ATR: variants seen among roughly 807,000 people sequenced by gnomAD.
ATR encodes the protein serine/threonine-protein kinase ATR.
A neutral mutation model predicts 305.3 loss-of-function variants in ATR; 142 were observed. The observed-to-expected ratio is 0.47, with a 90% CI of 0.41 to 0.53. ATR has a LOEUF of 0.53. Among genes scored for constraint, ATR ranks in the 20% least tolerant of loss-of-function variants. The pLI is 0.00. For missense variants in ATR, 2,135 were observed against 3,133.1 expected, an observed-to-expected ratio of 0.68 and a Z score of 7.60; for synonymous variants, 1,050 against 1,068.1, an observed-to-expected ratio of 0.98 and a Z score of 0.33.
At chr3:142,482,964 C>T (rs1482041679) in intron 36 of ATR, among the ~76,000 whole-genome samples, 3 of 150,300 alleles carry the variant, frequency 2.0e-5, no homozygotes, top group Non-Finnish European at 4.4e-5. Flanking sequence ...TCAGGAGATC[C>T]TGAGAACATA....
rs1417032978 is a variant in ATR, at chr3:142,495,077, G to T, written c.5898+1284C>A. On this transcript the variant is annotated intron_variant, in intron 34 of 46. Transcript: ENST00000350721. ...AATTTAAGATGATGTCCAGATTTCT[G>T]TTTTTGATGGAAGGATGGAATAAAG... is the stretch of plus-strand genomic sequence containing the variant. Among the ~76,000 whole-genome samples the T allele has an allele frequency of 2.0e-5, 3 of 152,176 alleles. 1 individual carries two copies. Among genetic ancestry groups the T allele is most frequent in the Admixed American group, 2.0e-4 (3 of 15,262 alleles).
Position 142,577,258 on chromosome 3 carries a change from T to C in ATR, c.59+1388A>G, listed in dbSNP as rs573019703. Among the ~76,000 whole-genome samples the C allele has an allele frequency of 2.0e-5, 3 of 152,310 alleles. No homozygotes were observed. The South Asian group carries it at 6.2e-4, about 32-fold the overall frequency. ...CTCTACTGATGAAACCGACTATATA[T>C]AATCCAAGAACCAATTATTTTTATT... On this transcript the variant is annotated intron_variant, in intron 1 of 46. Coordinates refer to ENST00000350721, the MANE Select transcript of ATR (RefSeq NM_001184.4).
At chr3:142,571,082 T>A (rs562759414) in intron 1 of ATR, among the ~76,000 whole-genome samples, 1 of 152,218 alleles carries the variant, frequency 6.6e-6, no homozygotes, top group South Asian at 2.1e-4. Flanking sequence ...CAGACGCAAA[T>A]AATTTAATAA....
intron 16 of ATR, 129 bp from the exon 17 acceptor site, chr3:142,542,886 G>C (rs531673141): frequency 1.2e-4 from 93 of 751,758 alleles, no homozygotes; most frequent in African/African-American, 1.1e-3. Flanking sequence ...ATAAACACTT[G>C]GTTAATTAAG....
intron 46 of ATR, chr3:142,450,230 C>T: frequency 3.3e-6 from 2 of 609,310 alleles, no homozygotes; most frequent in South Asian, 3.3e-5. Flanking sequence ...TCCAGCAGAA[C>T]TCCAGGTATT....
chr3:142,475,875 C>T (rs1378918775), intron 36 of ATR, among the ~76,000 whole-genome samples: 1 of 152,108 alleles, frequency 6.6e-6, no homozygotes, highest in Non-Finnish European at 1.5e-5. Context: ...TTTCATGTGT[C>T]TGTTGGCTGC....
At chr3:142,463,560 C>G (rs75080015) in intron 41 of ATR, among the ~76,000 whole-genome samples, 13,419 of 152,118 alleles carry the variant, frequency 0.088, 2,005 homozygotes, top group African/African-American at 0.31. Context: ...CCATGCCTGG[C>G]TAATTTTTGT....
chr3:142,565,771 A>G (rs2035050291), intron 3 of ATR, among the ~76,000 whole-genome samples: 1 of 151,002 alleles, frequency 6.6e-6, no homozygotes, highest in African/African-American at 2.4e-5. Context: ...AAACAAAACA[A>G]AACACCAAAA....
At position 142,519,619 on chromosome 3, in the gene ATR, T is replaced by C. The variant is rs1438474494; in HGVS notation, c.4382+50A>G. ...CCGGCCAAAAAAATCGCATTATTTT[T>C]ATATAATTAAAAACAATTTTATGAA... On this transcript the variant is annotated intron_variant, in intron 24 of 46. Transcript: ENST00000350721. 2.7e-6 allele frequency: 4 copies of C among 1,487,676 alleles called. No individual in the cohort carries two copies. In the South Asian group the frequency reaches 4.7e-5, roughly 17 times the overall value. The allele number at this position is 1,487,676 out of a possible 1,614,324, so 92.2% of individuals were successfully genotyped here.
At chr3:142,450,633 C>G in intron 46 of ATR, 1 of 1,607,124 alleles carries the variant, frequency 6.2e-7, no homozygotes, top group Non-Finnish European at 8.5e-7. Context: ...GAAGAGTATA[C>G]AAGGTCAGGA....
intron 28 of ATR, among the ~76,000 whole-genome samples, chr3:142,506,732 T>C (rs577206663): frequency 1.3e-5 from 2 of 152,198 alleles, no homozygotes; most frequent in African/African-American, 4.8e-5. Flanking sequence ...AAAAAGAATA[T>C]GGTGCAGATG....
At position 142,451,756 on chromosome 3, in the gene ATR, A is replaced by C. The variant is rs1341583413; in HGVS notation, c.7761+1372T>G. On this transcript the variant is annotated intron_variant, in intron 46 of 46. Coordinates refer to ENST00000350721, the MANE Select transcript of ATR (RefSeq NM_001184.4). ...CACTGAGCCCAGCTAATTAAAAAAA[A>C]ACAAAAACTATTTGTAGAGACCAGG... 3 of 1,092,652 alleles carry C rather than the reference A, an allele frequency of 2.7e-6. No individual in the cohort carries two copies. In the Admixed American group the frequency reaches 1.1e-4, roughly 39 times the overall value. 67.7% of individuals were successfully genotyped at this position (1,092,652 alleles called of 1,614,324 possible).
chr3:142,560,481 T>G (rs1304265100), intron 5 of ATR, 27 bp from the exon 6 acceptor site: 3 of 1,555,814 alleles, frequency 1.9e-6, no homozygotes, highest in Middle Eastern at 1.7e-4. Context: ...AGTAGAGAGA[T>G]ATTCATATGC....
chr3:142,546,779 A>G (rs1258913353), intron 16 of ATR, among the ~76,000 whole-genome samples: 6 of 152,234 alleles, frequency 3.9e-5, no homozygotes, highest in Admixed American at 1.3e-4. Flanking sequence ...GAAAGGTTGA[A>G]TAAGATAGGA....
intron 35 of ATR, among the ~76,000 whole-genome samples, chr3:142,487,583 A>T (rs2031022319): frequency 6.6e-6 from 1 of 152,228 alleles, no homozygotes; most frequent in Non-Finnish European, 1.5e-5. Context: ...TCTATAACTG[A>T]TTGCCATTTG....
Position 142,563,051 on chromosome 3 carries a change from A to C in ATR, c.351T>G (p.His117Gln). 6.2e-7 allele frequency: 1 copy of C among 1,600,494 alleles called. No homozygotes were observed. The change falls in exon 4 of 47, where the codon CAT becomes CAG. Residue 117 changes from histidine to glutamine, a missense_variant. His to Gln is a conservative substitution (Grantham distance 24). This residue lies in a region of ATR where 744 missense variants were observed against 873.2 expected (regional missense o/e 0.85). Transcript: ENST00000350721. The part of the protein sequence containing the change: ...LLRIAATPSC[H>Q]LLHKKICEVI... ...CTTCACAGATTTTCTTGTGTAACAA[A>C]TGACAGGAGGGAGTTGCTGCAATCC... is the stretch of plus-strand genomic sequence containing the variant.
chr3:142,497,777 T>C (rs2031732052), intron 32 of ATR, among the ~76,000 whole-genome samples: 1 of 152,104 alleles, frequency 6.6e-6, no homozygotes, highest in African/African-American at 2.4e-5. Flanking sequence ...ACATGAGGTA[T>C]TTGCATATAT....
At chr3:142,568,030 TA>T in intron 2 of ATR, 32 bp downstream of exon 2, 1 of 1,494,820 alleles carries the variant, frequency 6.7e-7, no homozygotes, top group Non-Finnish European at 9.1e-7. Flanking sequence ...GTCTAATTTA[TA>T]AAGTTTATAT....
chr3:142,556,337 T>C (rs143635003), intron 9 of ATR, 46 bp downstream of exon 9: 1 of 1,572,760 alleles, frequency 6.4e-7, no homozygotes, highest in Admixed American at 1.7e-5. Flanking sequence ...ACAATTATGA[T>C]CTTTCCAATA....
Sources: allele counts gnomAD v4.1 joint callset (sites outside exome capture counted in the v4.1 genomes callset), GRCh38; gene constraint gnomAD v4.1.1; regional missense constraint gnomAD v4.1.1; transcripts MANE v1.5; gene names NCBI Gene and HGNC (gene_info 2026-07-23, HGNC 2026-07-21).